Variants in EMCN observed in about 807,000 individuals in gnomAD.
EMCN encodes MUC-14.
Under a neutral mutation model 38.4 loss-of-function variants are expected in EMCN, and 37 were observed. The ratio of observed to expected loss-of-function variants is 0.96; its 90% CI spans 0.74 to 1.27. EMCN has a LOEUF of 1.27. EMCN is among the 50% of genes most tolerant of loss of function. EMCN has a pLI of 0.00. For synonymous variants in EMCN, 95 were observed against 100.8 expected (o/e 0.94, Z 0.35); for missense variants, 318 against 302.8 (o/e 1.05, Z -0.37).
intron 5 of EMCN, among the ~76,000 whole-genome samples, chr4:100,440,019 G>T (rs1344266600): frequency 6.6e-6 from 1 of 151,474 alleles, no homozygotes; most frequent in Admixed American, 6.6e-5. Flanking sequence ...TTAAAATTTA[G>T]TAAGTCTTGT....
chr4:100,401,807 C>A (rs1560600538), intron 11 of EMCN, among the ~76,000 whole-genome samples: 2 of 152,106 alleles, frequency 1.3e-5, no homozygotes, highest in East Asian at 1.9e-4. Context: ...TGGTCTGAAA[C>A]CCCCTTCACT....
intron 1 of EMCN, among the ~76,000 whole-genome samples, chr4:100,508,078 A>C (rs150268151): frequency 1.9e-3 from 283 of 152,338 alleles, no homozygotes; most frequent in African/African-American, 6.4e-3. Context: ...TTCAGGCAAA[A>C]TGTATAAGAA....
At chr4:100,414,750 G>A (rs1726666595) in intron 10 of EMCN, among the ~76,000 whole-genome samples, 1 of 151,964 alleles carries the variant, frequency 6.6e-6, no homozygotes, top group Non-Finnish European at 1.5e-5. Context: ...TCTTGCTCTT[G>A]ATTTGGGACA....
intron 5 of EMCN, among the ~76,000 whole-genome samples, chr4:100,428,738 ATAT>A (rs1321853162): frequency 1.3e-5 from 2 of 152,154 alleles, no homozygotes; most frequent in Admixed American, 1.3e-4. Context: ...TAAAATCGTG[ATAT>A]TATTATTTTT....
chr4:100,456,738 T>TA (rs537684411), intron 4 of EMCN, among the ~76,000 whole-genome samples: 112 of 152,272 alleles, frequency 7.4e-4, no homozygotes, highest in African/African-American at 2.6e-3. Flanking sequence ...GGCTATGATC[T>TA]ATGATAGTAA....
intron 4 of EMCN, among the ~76,000 whole-genome samples, chr4:100,456,566 A>T (rs1728023121): frequency 6.6e-6 from 1 of 152,064 alleles, no homozygotes; most frequent in Non-Finnish European, 1.5e-5. Flanking sequence ...GATTGTCATT[A>T]TGATTACTTC....
At position 100,410,262 on chromosome 4, in the gene EMCN, A is replaced by G; in HGVS notation, c.*39+20T>C. The stretch of plus-strand genomic sequence containing the variant: ...ACAGATATTAATGATTGTCTCCGTG[A>G]ATGAAATTGGGAAACTTACGTAATT... On this transcript the variant is annotated intron_variant, in intron 11 of 11. Coordinates refer to ENST00000296420, the MANE Select transcript of EMCN (RefSeq NM_016242.4). 2 of 1,469,202 alleles carry G rather than the reference A, an allele frequency of 1.4e-6. No individual in the cohort carries two copies. The highest frequency in any genetic ancestry group is 2.3e-5 in the East Asian group (1 of 44,130). The allele number at this position is 1,469,202 out of a possible 1,614,324, so 91.0% of individuals were successfully genotyped here.
At chr4:100,416,009 A>G in intron 9 of EMCN, 50 bp from the exon 10 acceptor site, 1 of 1,221,122 alleles carries the variant, frequency 8.2e-7, no homozygotes, top group Non-Finnish European at 1.2e-6. Context: ...TCAGCATTGT[A>G]TGTTTGTGAA....
In EMCN at chr4:100,429,900, C is replaced by T. The variant is rs79594089; in HGVS notation, c.416-6496G>A. On this transcript the variant is annotated intron_variant, in intron 5 of 11. Transcript: ENST00000296420. ...TTTAACAGTAAGTGCAAGGCTAAAC[C>T]ATAAGCCAAATATGACTCAAAACCC... is the stretch of plus-strand genomic sequence containing the variant. Among the ~76,000 whole-genome samples the T allele has an allele frequency of 4.7e-3, 711 of 152,178 alleles. 1 individual carries two copies. Among genetic ancestry groups the T allele is most frequent in the Middle Eastern group, 0.037 (11 of 294 alleles).
At chr4:100,495,795 A>G (rs1270609152) in intron 1 of EMCN, among the ~76,000 whole-genome samples, 9 of 152,230 alleles carry the variant, frequency 5.9e-5, no homozygotes, top group Admixed American at 5.2e-4. Flanking sequence ...ATCTTTAGCT[A>G]CTAATGCAGT....
At chr4:100,399,497 G>A (rs377702837) in intron 11 of EMCN, among the ~76,000 whole-genome samples, 4 of 152,102 alleles carry the variant, frequency 2.6e-5, no homozygotes, top group South Asian at 2.1e-4. Flanking sequence ...TATGGCCTGC[G>A]GGTAGCAGCT....
rs1306690810 is a variant in EMCN at position 100,480,009 on chromosome 4, A to G, written c.95T>C (p.Val32Ala). Residue 32 changes from valine (V) to alanine (A), a missense_variant, in exon 2 of 12, where the codon GTT (valine) becomes GCT (alanine). Physicochemically the swap from Val to Ala is moderately conservative, Grantham distance 64. Coordinates refer to ENST00000296420, the MANE Select transcript of EMCN (RefSeq NM_016242.4). ...GVLEAANNSL[V>A]VTTTKPSITT... is the part of the protein sequence containing the mutation. The stretch of plus-strand genomic sequence containing the variant: ...TATAGATGGTTTTGTTGTAGTAACA[A>G]CAAGTGAATTATTAGCTGCCTCTAA... 1.2e-6 allele frequency: 2 copies of G among 1,606,112 alleles called. No homozygotes were observed. Among genetic ancestry groups the G allele is most frequent in the East Asian group, 2.2e-5 (1 of 44,482 alleles).
At chr4:100,435,057 T>C (rs1455138448) in intron 5 of EMCN, among the ~76,000 whole-genome samples, 2 of 152,058 alleles carry the variant, frequency 1.3e-5, no homozygotes, top group African/African-American at 4.8e-5. Flanking sequence ...AATAAAGATA[T>C]TCAAATAGAA....
intron 1 of EMCN, among the ~76,000 whole-genome samples, chr4:100,490,323 G>T (rs1410155243): frequency 1.3e-5 from 2 of 152,058 alleles, no homozygotes; most frequent in Admixed American, 6.6e-5. Flanking sequence ...AATTAAAAAT[G>T]TCATAAGGTA....
chr4:100,482,113 A>G (rs1204977046), intron 1 of EMCN, among the ~76,000 whole-genome samples: 5 of 152,168 alleles, frequency 3.3e-5, no homozygotes, highest in Non-Finnish European at 5.9e-5. Context: ...AATAATGTAT[A>G]TCATATATGG....
intron 8 of EMCN, among the ~76,000 whole-genome samples, chr4:100,417,683 G>A (rs141045475): frequency 6.6e-6 from 1 of 152,296 alleles, no homozygotes; most frequent in Non-Finnish European, 1.5e-5. Flanking sequence ...GCTACTAGCT[G>A]CAACTAATCT....
At chr4:100,477,221 G>A (rs1007234499) in intron 2 of EMCN, among the ~76,000 whole-genome samples, 4 of 152,166 alleles carry the variant, frequency 2.6e-5, no homozygotes, top group African/African-American at 7.2e-5. Context: ...ACTATTCAAT[G>A]TTTTTAAAAT....
chr4:100,500,866 A>T (rs1309051348), intron 1 of EMCN, among the ~76,000 whole-genome samples: 1 of 152,106 alleles, frequency 6.6e-6, no homozygotes, highest in East Asian at 1.9e-4. Context: ...CTATTATTGC[A>T]TAAAAGGAAA....
chr4:100,474,865 A>G (rs1202294281), intron 3 of EMCN, among the ~76,000 whole-genome samples, 173 bp downstream of exon 3: 4 of 152,184 alleles, frequency 2.6e-5, no homozygotes, highest in Non-Finnish European at 5.9e-5. Flanking sequence ...TTGGTAATTA[A>G]TACAGGTTTT....
Sources: gnomAD v4.1 joint callset for allele counts (sites outside exome capture counted in the v4.1 genomes callset) on GRCh38, gnomAD v4.1.1 for gene constraint, MANE v1.5 for transcripts, NCBI Gene and HGNC (gene_info 2026-07-23, HGNC 2026-07-21) for gene names.